Variants in BRINP3 observed in about 807,000 individuals in gnomAD.
BRINP3 encodes BMP/retinoic acid-inducible neural-specific protein 3.
A neutral mutation model predicts 71.0 loss-of-function variants in BRINP3; 19 were observed. The ratio of observed to expected loss-of-function variants is 0.27; its 90% CI spans 0.19 to 0.39. BRINP3 has a LOEUF of 0.39. Among genes scored for constraint, BRINP3 ranks in the 10% least tolerant of loss-of-function variants. BRINP3 has a pLI of 1.00. For missense variants in BRINP3, 959 were observed against 940.8 expected (o/e 1.02, Z -0.25); for synonymous variants, 380 against 337.7 (o/e 1.13, Z -1.37).
intron 3 of BRINP3, among the ~76,000 whole-genome samples, chr1:190,273,522 A>G (rs1202375544): frequency 1.3e-5 from 2 of 151,600 alleles, no homozygotes; most frequent in African/African-American, 4.8e-5. Context: ...CATTAAAAGC[A>G]CATATTGAAG....
chr1:190,317,033 A>T (rs1352912406), intron 2 of BRINP3, among the ~76,000 whole-genome samples: 1 of 151,738 alleles, frequency 6.6e-6, no homozygotes, highest in Non-Finnish European at 1.5e-5. Context: ...TTAGCCGGGC[A>T]TGATGGTGGG....
chr1:190,160,383 G>T (rs1657241216), intron 7 of BRINP3, among the ~76,000 whole-genome samples: 1 of 151,820 alleles, frequency 6.6e-6, no homozygotes, highest in Admixed American at 6.6e-5. Context: ...TCACTGTAAT[G>T]CAATTATTAG....
chr1:190,235,333 C>T (rs1295117733), intron 4 of BRINP3, among the ~76,000 whole-genome samples: 1 of 152,006 alleles, frequency 6.6e-6, no homozygotes, highest in African/African-American at 2.4e-5. Context: ...TTTTATGAGG[C>T]TGAAAATGTA....
intron 6 of BRINP3, among the ~76,000 whole-genome samples, chr1:190,198,656 A>T (rs1256448555): frequency 1.3e-5 from 2 of 152,116 alleles, no homozygotes; most frequent in South Asian, 2.1e-4. Flanking sequence ...CTTTGCAAGG[A>T]TTTATCAAGA....
chr1:190,213,496 A>G (rs1032985534), intron 6 of BRINP3, among the ~76,000 whole-genome samples: 27 of 152,082 alleles, frequency 1.8e-4, no homozygotes, highest in African/African-American at 4.8e-4. Context: ...TTGAGAGACT[A>G]TGAATCAGGT....
chr1:190,370,249 A>T (rs2102184344), intron 2 of BRINP3, among the ~76,000 whole-genome samples: 1 of 152,320 alleles, frequency 6.6e-6, no homozygotes, highest in East Asian at 1.9e-4. Flanking sequence ...TTGTTAACCT[A>T]ATCAAGAAAA....
At chr1:190,128,830 T>C (rs1222334206) in intron 7 of BRINP3, among the ~76,000 whole-genome samples, 1 of 151,812 alleles carries the variant, frequency 6.6e-6, no homozygotes, top group Non-Finnish European at 1.5e-5. Flanking sequence ...ATATCTTAAA[T>C]ATAGCTAATG....
chr1:190,393,741 G>A (rs887823425), intron 2 of BRINP3, among the ~76,000 whole-genome samples: 3 of 151,438 alleles, frequency 2.0e-5, no homozygotes, highest in Non-Finnish European at 4.4e-5. Context: ...ATAGCATGCT[G>A]AAAAACCTGG....
chr1:190,229,690 A>AC (rs1301674311), intron 5 of BRINP3, among the ~76,000 whole-genome samples: 8 of 150,828 alleles, frequency 5.3e-5, no homozygotes, highest in South Asian at 4.2e-4. Flanking sequence ...ACACACACAC[A>AC]AAGAAACCAC....
At chr1:190,382,970 T>C (rs1284401174) in intron 2 of BRINP3, among the ~76,000 whole-genome samples, 1 of 152,126 alleles carries the variant, frequency 6.6e-6, no homozygotes, top group Admixed American at 6.6e-5. Context: ...ACCACTTTGG[T>C]TTGGCAAATT....
intron 2 of BRINP3, among the ~76,000 whole-genome samples, chr1:190,403,856 T>C (rs892406244): frequency 1.3e-5 from 2 of 152,190 alleles, no homozygotes; most frequent in African/African-American, 4.8e-5. Context: ...CTTCAAACAA[T>C]TGGACAAATG....
At chr1:190,345,831 A>G (rs1667987954) in intron 2 of BRINP3, among the ~76,000 whole-genome samples, 1 of 151,796 alleles carries the variant, frequency 6.6e-6, no homozygotes, top group Non-Finnish European at 1.5e-5. Context: ...TTCTTTCTTT[A>G]GAACATTCAT....
chr1:190,428,009 C>A (rs1250655990), intron 2 of BRINP3, among the ~76,000 whole-genome samples: 2 of 151,622 alleles, frequency 1.3e-5, no homozygotes, highest in African/African-American at 2.4e-5. Context: ...GTTTTCTGTT[C>A]CTATGTGACT....
chr1:190,396,344 A>G (rs935830842), intron 2 of BRINP3, among the ~76,000 whole-genome samples: 3 of 151,844 alleles, frequency 2.0e-5, no homozygotes, highest in Non-Finnish European at 4.4e-5. Context: ...GTACATATGT[A>G]TACAAAGAAA....
intron 3 of BRINP3, among the ~76,000 whole-genome samples, chr1:190,277,115 A>ATATATATATATATATATATT (rs1212564236): frequency 1.2e-4 from 16 of 129,272 alleles, no homozygotes; most frequent in African/African-American, 4.1e-4. Context: ...ATATATATAT[A>ATATATATATATATATATATT]TATTTATATT....
chr1:190,292,261 G>C (rs1663925715), intron 2 of BRINP3, among the ~76,000 whole-genome samples: 2 of 152,034 alleles, frequency 1.3e-5, no homozygotes, highest in Non-Finnish European at 2.9e-5. Context: ...GCCATATATT[G>C]TATTCTTGAA....
At chr1:190,233,746 A>G (rs1658235143) in intron 5 of BRINP3, among the ~76,000 whole-genome samples, 1 of 152,198 alleles carries the variant, frequency 6.6e-6, no homozygotes, top group Admixed American at 6.5e-5. Context: ...GTTCCTGCCT[A>G]TAAGAATGAG....
Position 190,265,539 on chromosome 1 carries a change from A to AATATAT in BRINP3, c.428-490_428-485dup, listed in dbSNP as rs36099005. On this transcript the variant is annotated intron_variant, in intron 3 of 7. Coordinates refer to ENST00000367462, the MANE Select transcript of BRINP3 (RefSeq NM_199051.3). ...ACACGGTGAAACCCCGTCTCTACTA[A>AATATAT]ATATATATATATATATATATATAAA... is the stretch of plus-strand genomic sequence containing the variant. Among the ~76,000 whole-genome samples the AATATAT allele has an allele frequency of 7.3e-3, 1,011 of 139,220 alleles. 10 individuals carry two copies. Among genetic ancestry groups the AATATAT allele is most frequent in the South Asian group, 0.048 (213 of 4,400 alleles). The allele number at this position is 139,220 out of a possible 152,430, so 91.3% of individuals were successfully genotyped here.
Position 190,097,838 on chromosome 1 carries a change from T to G in BRINP3, c.*180A>C. ...ATTTATGTCATTCATAAACCAAAACTGCTGTATAATATATTCATTGTCAGC... is the reference window on the plus strand; with the variant it reads ...ATTTATGTCATTCATAAACCAAAACGGCTGTATAATATATTCATTGTCAGC... On this transcript the variant is annotated 3_prime_UTR_variant, in exon 8 of 8. Coordinates refer to ENST00000367462, the MANE Select transcript of BRINP3 (RefSeq NM_199051.3). The G allele has an allele frequency of 1.6e-6, 1 of 628,910 alleles. No individual in the cohort carries two copies. The highest frequency in any genetic ancestry group is 2.7e-6 in the Non-Finnish European group (1 of 374,460). The allele number at this position is 628,910 out of a possible 1,614,324, so 39.0% of individuals were successfully genotyped here.
Sources: allele counts gnomAD v4.1 joint callset (sites outside exome capture counted in the v4.1 genomes callset), GRCh38; gene constraint gnomAD v4.1.1; transcripts MANE v1.5; gene names NCBI Gene and HGNC (gene_info 2026-07-23, HGNC 2026-07-21).